LASP1: variants seen among roughly 807,000 people sequenced by gnomAD.
LASP1 encodes LIM and SH3 domain protein 1.
Under a neutral mutation model 38.6 loss-of-function variants are expected in LASP1, and 10 were observed. The ratio of observed to expected loss-of-function variants is 0.26; its 90% CI spans 0.16 to 0.44. The LOEUF (loss-of-function observed/expected upper bound fraction) is 0.44. Among genes scored for constraint, LASP1 ranks in the 20% least tolerant of loss-of-function variants. The pLI, the probability that LASP1 is intolerant of heterozygous loss-of-function variation, is 1.00. For missense variants in LASP1, 243 were observed against 375.7 expected (o/e 0.65, Z 2.92); for synonymous variants, 132 against 140.8 (o/e 0.94, Z 0.44).
intron 2 of LASP1, among the ~76,000 whole-genome samples, chr17:38,883,774 C>A (rs1317518270): frequency 8.7e-5 from 12 of 137,346 alleles, no homozygotes; most frequent in Admixed American, 6.5e-4. Flanking sequence ...ATTTTGTGTG[C>A]AATCTGATGG....
chr17:38,912,389 C>G (rs1291207082), intron 4 of LASP1, among the ~76,000 whole-genome samples: 1 of 151,712 alleles, frequency 6.6e-6, no homozygotes, highest in Non-Finnish European at 1.5e-5. Flanking sequence ...GCCACAGGGT[C>G]AGGGTAGGGC....
intron 4 of LASP1, among the ~76,000 whole-genome samples, chr17:38,912,040 C>T (rs1269336405): frequency 1.3e-5 from 2 of 152,238 alleles, no homozygotes; most frequent in Non-Finnish European, 2.9e-5. Context: ...GTGACCCACC[C>T]ACCTTGGCCT....
intron 3 of LASP1, among the ~76,000 whole-genome samples, chr17:38,893,867 G>A (rs982706579): frequency 6.6e-6 from 1 of 152,214 alleles, no homozygotes; most frequent in East Asian, 1.9e-4. Flanking sequence ...GGAAGGGGGA[G>A]CCTCTTCTGC....
intron 6 of LASP1, among the ~76,000 whole-genome samples, chr17:38,917,449 G>A (rs747641477): frequency 1.1e-4 from 16 of 151,576 alleles, no homozygotes; most frequent in Admixed American, 3.3e-4. Flanking sequence ...AGTAGGTGGC[G>A]CTGTAGGTTT....
chr17:38,879,400 C>T (rs895664165), intron 2 of LASP1, among the ~76,000 whole-genome samples: 7 of 151,646 alleles, frequency 4.6e-5, no homozygotes, highest in African/African-American at 1.7e-4. Flanking sequence ...TCAAGTGATG[C>T]ACCGCCTCAG....
chr17:38,874,351 GA>G (rs1197505071), intron 1 of LASP1, among the ~76,000 whole-genome samples: 1 of 152,330 alleles, frequency 6.6e-6, no homozygotes, highest in East Asian at 1.9e-4. Flanking sequence ...ATATTTCCCT[GA>G]CAGTGTCCTT....
intron 6 of LASP1, chr17:38,916,303 T>A (rs923736378): frequency 6.6e-6 from 1 of 152,368 alleles, no homozygotes; most frequent in African/African-American, 2.4e-5. Context: ...CTCACGCCTG[T>A]AATCCCAGCA....
intron 4 of LASP1, among the ~76,000 whole-genome samples, chr17:38,902,131 G>C (rs1354646265): frequency 7.2e-5 from 11 of 151,942 alleles, no homozygotes; most frequent in Admixed American, 6.6e-4. Flanking sequence ...GTGTGTTCAC[G>C]GCTCAGTGCA....
intron 1 of LASP1, among the ~76,000 whole-genome samples, chr17:38,870,967 G>A (rs917311540): frequency 1.3e-5 from 2 of 152,212 alleles, no homozygotes; most frequent in Non-Finnish European, 2.9e-5. Context: ...AGCCTGAGCC[G>A]GGTGGGGTTG....
At chr17:38,908,371 G>T (rs1411101264) in intron 4 of LASP1, among the ~76,000 whole-genome samples, 1 of 152,256 alleles carries the variant, frequency 6.6e-6, no homozygotes, top group Non-Finnish European at 1.5e-5. Context: ...CTCAGGAGGG[G>T]TGTCCCCTTC....
chr17:38,916,529 T>G (rs1449462074), intron 6 of LASP1: 1 of 146,830 alleles, frequency 6.8e-6, no homozygotes, highest in African/African-American at 2.5e-5. Context: ...ATTGCACTAT[T>G]GCACTCCAGC....
At chr17:38,893,865 G>T (rs1598111923) in intron 3 of LASP1, among the ~76,000 whole-genome samples, 1 of 152,202 alleles carries the variant, frequency 6.6e-6, no homozygotes, top group African/African-American at 2.4e-5. Flanking sequence ...AGGGAAGGGG[G>T]AGCCTCTTCT....
intron 3 of LASP1, among the ~76,000 whole-genome samples, chr17:38,892,191 G>A (rs139346946): frequency 8.7e-4 from 132 of 152,330 alleles, no homozygotes; most frequent in South Asian, 1.9e-3. Flanking sequence ...AAGACCCAGC[G>A]TCTCTGTCTT....
intron 4 of LASP1, among the ~76,000 whole-genome samples, chr17:38,899,976 C>A (rs138404972): frequency 6.6e-6 from 1 of 151,664 alleles, no homozygotes; most frequent in Non-Finnish European, 1.5e-5. Context: ...GTGATGTGCC[C>A]GCCTTGGCCT....
At chr17:38,898,039 G>A (rs567899468) in intron 3 of LASP1, among the ~76,000 whole-genome samples, 2 of 152,326 alleles carry the variant, frequency 1.3e-5, no homozygotes, top group South Asian at 4.1e-4. Context: ...GGTAGTGCCG[G>A]ACATTGACTG....
chr17:38,914,370 G>C lies in LASP1; in HGVS notation c.403G>C (p.Gly135Arg), dbSNP rs755117655. The change falls in exon 5 of 7, where the codon GGG (glycine) becomes CGG (arginine). Residue 135 changes from glycine (G) to arginine (R), a missense_variant. Around this residue, in one of 4 missense-constraint regions of LASP1, gnomAD observed 165 missense variants for 210.3 expected, o/e 0.78. Transcript: ENST00000318008. ...EFEKSRMGPS[G>R]GEGMEPERRD... Reference sequence around the variant, plus strand: ...TGAGAAGAGCCGCATGGGCCCTAGCGGGGGCGAGGGCATGGAGCCAGAGCG... The same window carrying C: ...TGAGAAGAGCCGCATGGGCCCTAGCCGGGGCGAGGGCATGGAGCCAGAGCG... 3 of 1,612,108 alleles carry C rather than the reference G, an allele frequency of 1.9e-6. No homozygotes were observed. The highest frequency in any genetic ancestry group is 2.5e-6 in the Non-Finnish European group (3 of 1,179,862).
At position 38,889,153 on chromosome 17, in the gene LASP1, C is replaced by T. The variant is rs190157449; in HGVS notation, c.165-1267C>T. On this transcript the variant is annotated intron_variant, in intron 2 of 6. Coordinates refer to ENST00000318008, the MANE Select transcript of LASP1 (RefSeq NM_006148.4). ...TTTGTTTTGTTTTTTCTTTTTGAGA[C>T]GTAGTCTGGCTCTGTCACATAGGCT... 2.3e-3 allele frequency among the ~76,000 whole-genome samples: 351 copies of T among 152,090 alleles called. 6 individuals carry two copies. The highest frequency in any genetic ancestry group is 2.7e-4 in the African/African-American group (11 of 41,486).
chr17:38,915,244 C>T, intron 6 of LASP1, 98 bp downstream of exon 6: 1 of 949,242 alleles, frequency 1.1e-6, no homozygotes, highest in Non-Finnish European at 1.6e-6. Flanking sequence ...TGCACCCACC[C>T]TCTGTTGTGT....
Position 38,919,681 on chromosome 17 carries a change from T to C in LASP1, c.*903T>C, listed in dbSNP as rs71367800. 2.3e-3 allele frequency: 791 copies of C among 339,536 alleles called. 7 individuals carry two copies. Among genetic ancestry groups the C allele is most frequent in the African/African-American group, 0.014 (687 of 49,586 alleles). 21.0% of individuals were successfully genotyped at this position (339,536 alleles called of 1,614,324 possible). On this transcript the variant is annotated 3_prime_UTR_variant, in exon 7 of 7. Coordinates refer to ENST00000318008, the MANE Select transcript of LASP1 (RefSeq NM_006148.4). ...CTTCAGCCTCCCTCAGCCCCCAGGA[T>C]CTGGGTTAGGTGGCCGCTCCTCCCT...
Sources: gnomAD v4.1 joint callset for allele counts (sites outside exome capture counted in the v4.1 genomes callset) on GRCh38, gnomAD v4.1.1 for gene constraint, gnomAD v4.1.1 regional missense constraint, MANE v1.5 for transcripts, NCBI Gene and HGNC (gene_info 2026-07-23, HGNC 2026-07-21) for gene names.